The following COL14A1 variants were observed in gnomAD, a reference collection of about 807,000 sequenced individuals.
The protein encoded by COL14A1 is collagen type XIV alpha 1 chain.
A neutral mutation model predicts 230.3 loss-of-function variants in COL14A1; 136 were observed. That is an observed-to-expected ratio of 0.59 (90% confidence interval 0.51 to 0.68). The LOEUF (loss-of-function observed/expected upper bound fraction) is 0.68. Among genes scored for constraint, COL14A1 ranks in the 30% least tolerant of loss-of-function variants. The pLI is 0.00. For synonymous variants in COL14A1, 792 were observed against 784.1 expected, an observed-to-expected ratio of 1.01 and a Z score of -0.17; for missense variants, 1,976 against 2,215.8, an observed-to-expected ratio of 0.89 and a Z score of 2.17.
At chr8:120,309,528 G>A (rs907454613) in intron 36 of COL14A1, among the ~76,000 whole-genome samples, 50 of 152,022 alleles carry the variant, frequency 3.3e-4, no homozygotes, top group Non-Finnish European at 7.2e-4. Context: ...GTTTTGAGGG[G>A]AAATATGAAT....
chr8:120,317,303 GT>G (rs1821267158), intron 40 of COL14A1, among the ~76,000 whole-genome samples: 1 of 152,094 alleles, frequency 6.6e-6, no homozygotes, highest in Admixed American at 6.6e-5. Context: ...AACTGTTCTT[GT>G]TTTTTCTATA....
intron 19 of COL14A1, among the ~76,000 whole-genome samples, chr8:120,232,358 T>C (rs1247920651): frequency 6.6e-6 from 1 of 152,178 alleles, no homozygotes; most frequent in Non-Finnish European, 1.5e-5. Flanking sequence ...CATGGTAGTT[T>C]GCTGCACCCA....
At chr8:120,200,755 ATATATATATATT>A (rs1244687074) in intron 8 of COL14A1, among the ~76,000 whole-genome samples, 9 of 58,276 alleles carry the variant, frequency 1.5e-4, no homozygotes, top group African/African-American at 5.4e-4. Context: ...ATATATATAT[ATATATATATATT>A]ATTTTTCATC....
chr8:120,164,405 C>A lies in COL14A1; in HGVS notation c.349+1836C>A, dbSNP rs562339635. 1.7e-3 allele frequency among the ~76,000 whole-genome samples: 251 copies of A among 152,116 alleles called. 3 individuals are homozygous for A. The highest frequency in any genetic ancestry group is 5.7e-3 in the African/African-American group (237 of 41,532). Reference sequence around the variant, plus strand: ...CAATGTTCTATCTAGATTTTTTACACCCCTTCCCTCCCTTTTTTCTCTTCC... The same window carrying A: ...CAATGTTCTATCTAGATTTTTTACAACCCTTCCCTCCCTTTTTTCTCTTCC... On this transcript the variant is annotated intron_variant, in intron 4 of 47. Coordinates refer to ENST00000297848, the MANE Select transcript of COL14A1 (RefSeq NM_021110.4).
chr8:120,339,262 A>T (rs2130254609), intron 42 of COL14A1, among the ~76,000 whole-genome samples: 1 of 152,290 alleles, frequency 6.6e-6, no homozygotes, highest in South Asian at 2.1e-4. Flanking sequence ...AAGTGTTGGG[A>T]TTACAGGCGT....
intron 34 of COL14A1, among the ~76,000 whole-genome samples, chr8:120,291,839 A>G (rs79723393): frequency 9.2e-5 from 14 of 152,136 alleles, no homozygotes; most frequent in Non-Finnish European, 5.9e-5. Context: ...TCTCTTTCAT[A>G]TATCTACATT....
chr8:120,311,755 C>A (rs1005813061), intron 37 of COL14A1, among the ~76,000 whole-genome samples: 2 of 152,050 alleles, frequency 1.3e-5, no homozygotes, highest in African/African-American at 4.8e-5. Context: ...TAAAATGGGA[C>A]CCCCTAGTTT....
Position 120,345,398 on chromosome 8 carries a change from A to G in COL14A1, c.4912A>G (p.Ile1638Val), listed in dbSNP as rs373524490. The change falls in exon 45 of 48, where the codon ATC becomes GTC. Residue 1638 changes from isoleucine to valine, a missense_variant. Around this residue, in one of 3 missense-constraint regions of COL14A1, gnomAD observed 1,791 missense variants for 2,019.5 expected, o/e 0.89. Coordinates refer to ENST00000297848, the MANE Select transcript of COL14A1 (RefSeq NM_021110.4). The part of the protein sequence containing the change: ...IQSHMARYTA[I>V]LNQIPSHSSS... ...AGGTCACATGGCCAGGTACACTGCC[A>G]TCCTCAACCAGATTCCCAGCCACTC... The G allele has an allele frequency of 1.3e-6, 2 of 1,594,770 alleles. No individual in the cohort carries two copies. The highest frequency in any genetic ancestry group is 1.4e-5 in the African/African-American group (1 of 73,576).
chr8:120,132,629 G>A (rs1038648961), intron 1 of COL14A1, among the ~76,000 whole-genome samples: 4 of 151,650 alleles, frequency 2.6e-5, no homozygotes, highest in African/African-American at 4.8e-5. Context: ...ATTGAACCTG[G>A]ATATTGTTTT....
chr8:120,220,120 G>C (rs1817883436), intron 14 of COL14A1, among the ~76,000 whole-genome samples: 1 of 152,022 alleles, frequency 6.6e-6, no homozygotes, highest in African/African-American at 2.4e-5. Flanking sequence ...TTTTAAGGAT[G>C]AATATTTCTA....
chr8:120,183,728 T>G (rs1389165432), intron 5 of COL14A1, among the ~76,000 whole-genome samples: 1 of 152,236 alleles, frequency 6.6e-6, no homozygotes, highest in Non-Finnish European at 1.5e-5. Context: ...CCAGGCTTCA[T>G]GTTCCTATAA....
chr8:120,362,333 G>T (rs757143579), intron 45 of COL14A1, among the ~76,000 whole-genome samples: 3 of 152,154 alleles, frequency 2.0e-5, no homozygotes, highest in Non-Finnish European at 4.4e-5. Flanking sequence ...GAAGCAGCTG[G>T]CATCCGAAAC....
At chr8:120,361,841 C>G (rs547712799) in intron 45 of COL14A1, among the ~76,000 whole-genome samples, 1 of 152,142 alleles carries the variant, frequency 6.6e-6, no homozygotes, top group East Asian at 1.9e-4. Context: ...TAAAATCTCC[C>G]AACTCAGAGG....
At chr8:120,295,206 T>C (rs540912422) in intron 34 of COL14A1, among the ~76,000 whole-genome samples, 67 of 152,020 alleles carry the variant, frequency 4.4e-4, no homozygotes, top group Non-Finnish European at 6.0e-4. Flanking sequence ...TAATGGGACC[T>C]ATTTAATAAA....
At chr8:120,229,063 G>A (rs1324231764) in intron 18 of COL14A1, among the ~76,000 whole-genome samples, 1 of 147,092 alleles carries the variant, frequency 6.8e-6, no homozygotes, top group Non-Finnish European at 1.5e-5. Flanking sequence ...CTCCCCAGGG[G>A]TCTTTGCCCT....
chr8:120,236,837 T>C (rs1317685397), intron 19 of COL14A1, among the ~76,000 whole-genome samples: 2 of 152,218 alleles, frequency 1.3e-5, no homozygotes, highest in Non-Finnish European at 2.9e-5. Flanking sequence ...CCTCAGCATT[T>C]GCTTGTCTGT....
At chr8:120,264,237 T>C (rs1472033531) in intron 24 of COL14A1, among the ~76,000 whole-genome samples, 1 of 152,252 alleles carries the variant, frequency 6.6e-6, no homozygotes, top group Non-Finnish European at 1.5e-5. Flanking sequence ...ATCTGGCATC[T>C]TTCACTTAGC....
chr8:120,284,571 G>A lies in COL14A1; in HGVS notation c.3967+793G>A, dbSNP rs570486939. On this transcript the variant is annotated intron_variant, in intron 32 of 47. Coordinates refer to ENST00000297848, the MANE Select transcript of COL14A1 (RefSeq NM_021110.4). Reference sequence around the variant, plus strand: ...GTGCTAAGTCACACATTCGGATAAGGAAAGTATTAAGCTTATTTCCGACTA... The same window carrying A: ...GTGCTAAGTCACACATTCGGATAAGAAAAGTATTAAGCTTATTTCCGACTA... Among the ~76,000 whole-genome samples, 11 of 152,234 alleles carry A rather than the reference G, an allele frequency of 7.2e-5. No homozygotes were observed. In the South Asian group the frequency reaches 2.3e-3, roughly 32 times the overall value.
chr8:120,150,128 C>T (rs977331422), intron 2 of COL14A1, among the ~76,000 whole-genome samples: 1 of 152,104 alleles, frequency 6.6e-6, no homozygotes, highest in Admixed American at 6.6e-5. Context: ...GGAGACAGGG[C>T]TGTAAGCAAA....
Sources: allele counts gnomAD v4.1 joint callset (sites outside exome capture counted in the v4.1 genomes callset), GRCh38; gene constraint gnomAD v4.1.1; regional missense constraint gnomAD v4.1.1; transcripts MANE v1.5; gene names NCBI Gene and HGNC (gene_info 2026-07-23, HGNC 2026-07-21).